The following EPHA5 variants were observed in gnomAD, a reference collection of about 807,000 sequenced individuals.
EPHA5 encodes EPH receptor A5, also known as ephrin type-A receptor 5.
In EPHA5, 60 loss-of-function variants were observed where a neutral mutation model predicts 105.0. The observed-to-expected ratio is 0.57, with a 90% confidence interval of 0.46 to 0.71. The LOEUF is 0.71. Ranked by LOEUF, EPHA5 falls within the 30% of genes least tolerant of loss-of-function variation. The probability of loss-of-function intolerance (pLI) is 0.00; values close to 1 mark genes in which losing one functional copy is unlikely to be tolerated. For synonymous variants in EPHA5, 513 were observed against 449.1 expected, an observed-to-expected ratio of 1.14 and a Z score of -1.80; for missense variants, 1,218 against 1,274.7, an observed-to-expected ratio of 0.96 and a Z score of 0.68.
At chr4:65,469,857 C>T (rs1729113812) in intron 5 of EPHA5, among the ~76,000 whole-genome samples, 1 of 151,932 alleles carries the variant, frequency 6.6e-6, no homozygotes, top group African/African-American at 2.4e-5. Context: ...AAAATCTGTT[C>T]ACTTAGTAAG....
chr4:65,594,397 C>T (rs1454478155), intron 3 of EPHA5, among the ~76,000 whole-genome samples: 2 of 152,026 alleles, frequency 1.3e-5, no homozygotes, highest in African/African-American at 2.4e-5. Flanking sequence ...TTCATTTTCA[C>T]GGTAACAATA....
intron 7 of EPHA5, among the ~76,000 whole-genome samples, chr4:65,409,552 A>C (rs1171399161): frequency 6.6e-6 from 1 of 152,100 alleles, no homozygotes; most frequent in African/African-American, 2.4e-5. Context: ...TTATGTGGAT[A>C]TTCTCTAGAC....
rs1744181435 is a variant in EPHA5, at chr4:65,605,832, C to CA, written c.247-3529dup. ...ATATAAGCTGAGATCCAATCTCTGG[C>CA]ATAACAACTATGCAACTCTGTAATG... On this transcript the variant is annotated intron_variant, in intron 2 of 16. Coordinates refer to ENST00000613740, the MANE Select transcript of EPHA5 (RefSeq NM_001281766.3). 2.0e-5 allele frequency among the ~76,000 whole-genome samples: 3 copies of CA among 152,048 alleles called. No homozygotes were observed. The South Asian group carries it at 6.2e-4, about 32-fold the overall frequency.
At chr4:65,663,463 GA>G (rs891920468) in intron 1 of EPHA5, among the ~76,000 whole-genome samples, 17 of 148,690 alleles carry the variant, frequency 1.1e-4, no homozygotes, top group East Asian at 7.8e-4. Context: ...AGCTTTTAGG[GA>G]AAAAAAAATA....
intron 3 of EPHA5, among the ~76,000 whole-genome samples, chr4:65,594,260 T>C (rs924726776): frequency 1.3e-5 from 2 of 152,160 alleles, no homozygotes; most frequent in Admixed American, 6.5e-5. Context: ...ATCCAGTGCA[T>C]CTTATTTTAA....
rs182666474 is a variant in EPHA5, at chr4:65,461,349, T to G, written c.1402+29028A>C. On this transcript the variant is annotated intron_variant, in intron 5 of 16. Transcript: ENST00000613740. ...TTTTATGCAGTTTATTCACATGTAT[T>G]AAAAGGATGTCACTGTAAATCACTG... Among the ~76,000 whole-genome samples the G allele has an allele frequency of 1.4e-3, 211 of 152,098 alleles. 2 individuals are homozygous for G. The highest frequency in any genetic ancestry group is 2.0e-3 in the Non-Finnish European group (135 of 67,848).
chr4:65,647,643 A>G (rs111354467), intron 1 of EPHA5, among the ~76,000 whole-genome samples: 66 of 152,266 alleles, frequency 4.3e-4, no homozygotes, highest in African/African-American at 1.5e-3. Flanking sequence ...TCTAGAAGAC[A>G]TTAGATATCA....
chr4:65,624,763 G>A lies in EPHA5; in HGVS notation c.246+18600C>T, dbSNP rs1578615161. Reference sequence around the variant, plus strand: ...CAAAGGAGTCTTGATGTTGACCCAGGAACCAAACTGTTAGGATTCTATTCT... The same window carrying A: ...CAAAGGAGTCTTGATGTTGACCCAGAAACCAAACTGTTAGGATTCTATTCT... On this transcript the variant is annotated intron_variant, in intron 2 of 16. Coordinates refer to ENST00000613740, the MANE Select transcript of EPHA5 (RefSeq NM_001281766.3). 2.0e-5 allele frequency among the ~76,000 whole-genome samples: 3 copies of A among 152,100 alleles called. No homozygotes were observed. The South Asian group carries it at 6.2e-4, about 32-fold the overall frequency.
At chr4:65,363,694 T>C (rs565603175) in intron 11 of EPHA5, among the ~76,000 whole-genome samples, 2 of 151,692 alleles carry the variant, frequency 1.3e-5, no homozygotes, top group South Asian at 4.1e-4. Context: ...ATGTTTTATA[T>C]TAGATAATAC....
chr4:65,574,721 C>CATATATATAT (rs1213463466), intron 3 of EPHA5, among the ~76,000 whole-genome samples: 2 of 69,442 alleles, frequency 2.9e-5, no homozygotes, highest in African/African-American at 9.6e-5. Context: ...TATATATATA[C>CATATATATAT]ATATATATAC....
intron 1 of EPHA5, among the ~76,000 whole-genome samples, chr4:65,666,294 T>G (rs1447624671): frequency 1.3e-5 from 2 of 152,216 alleles, no homozygotes; most frequent in African/African-American, 4.8e-5. Flanking sequence ...ACTGGGACAT[T>G]ACTGACTGTA....
chr4:65,518,924 C>T (rs975038543), intron 3 of EPHA5, among the ~76,000 whole-genome samples: 8 of 152,012 alleles, frequency 5.3e-5, no homozygotes, highest in Non-Finnish European at 1.2e-4. Flanking sequence ...GAAACTATTC[C>T]AACCAATAGA....
At position 65,532,300 on chromosome 4, in the gene EPHA5, A is replaced by T. The variant is rs930589744; in HGVS notation, c.911-36757T>A. Among the ~76,000 whole-genome samples the T allele has an allele frequency of 5.3e-5, 8 of 152,220 alleles. No individual in the cohort carries two copies. The South Asian group carries it at 1.7e-3, about 32-fold the overall frequency. ...TCCCATGAAGTAATGAAAGCTTCTCATAATTTCACACTTAACTATCGTCAT... is the reference window on the plus strand; with the variant it reads ...TCCCATGAAGTAATGAAAGCTTCTCTTAATTTCACACTTAACTATCGTCAT... On this transcript the variant is annotated intron_variant, in intron 3 of 16. Transcript: ENST00000613740.
At chr4:65,480,103 C>A (rs1264699033) in intron 5 of EPHA5, among the ~76,000 whole-genome samples, 1 of 151,286 alleles carries the variant, frequency 6.6e-6, no homozygotes, top group African/African-American at 2.4e-5. Context: ...GGAAAAATAA[C>A]AATAAAGGAG....
intron 3 of EPHA5, among the ~76,000 whole-genome samples, chr4:65,585,783 T>C (rs1742064061): frequency 6.6e-6 from 1 of 151,930 alleles, no homozygotes; most frequent in South Asian, 2.1e-4. Context: ...CATTTAAAAT[T>C]ATGAATTAGG....
chr4:65,597,898 T>C (rs535677480), intron 3 of EPHA5, among the ~76,000 whole-genome samples: 22 of 152,250 alleles, frequency 1.4e-4, no homozygotes, highest in African/African-American at 5.3e-4. Flanking sequence ...CCTAGCATTC[T>C]GAATCTTGAA....
chr4:65,506,028 G>T (rs1245826902), intron 3 of EPHA5, among the ~76,000 whole-genome samples: 1 of 152,048 alleles, frequency 6.6e-6, no homozygotes, highest in Non-Finnish European at 1.5e-5. Context: ...AGGCCCCAGT[G>T]TGTGATGCTC....
rs979051648 is a variant in EPHA5, at chr4:65,322,221, G to A, written c.*1893C>T. 2 of 223,826 alleles carry A rather than the reference G, an allele frequency of 8.9e-6. No individual in the cohort carries two copies. Among genetic ancestry groups the A allele is most frequent in the Non-Finnish European group, 1.8e-5 (2 of 112,070 alleles). 13.9% of individuals were successfully genotyped at this position (223,826 alleles called of 1,614,324 possible). A position where few individuals can be genotyped will look rare whatever the true frequency, so the allele number is the denominator to read the frequency against. On this transcript the variant is annotated 3_prime_UTR_variant, in exon 17 of 17. Coordinates refer to ENST00000613740, the MANE Select transcript of EPHA5 (RefSeq NM_001281766.3). ...GAAAACTGTTTAGATTTTTGTTGTG[G>A]TTATTTTGATGTTTCCTGGTTCTTT...
chr4:65,657,273 TATTA>T (rs1235194050), intron 1 of EPHA5, among the ~76,000 whole-genome samples: 2 of 152,186 alleles, frequency 1.3e-5, no homozygotes, highest in Admixed American at 6.5e-5. Context: ...ACATGTTTTA[TATTA>T]ATTGTTTTTC....
Sources: gnomAD v4.1 joint callset for allele counts (sites outside exome capture counted in the v4.1 genomes callset) on GRCh38, gnomAD v4.1.1 for gene constraint, MANE v1.5 for transcripts, NCBI Gene and HGNC (gene_info 2026-07-23, HGNC 2026-07-21) for gene names.